PRKG1: variants seen among roughly 807,000 people sequenced by gnomAD.
PRKG1 encodes the protein protein kinase cGMP-dependent 1.
PRKG1 carries 35 observed loss-of-function variants against 88.1 expected under a neutral mutation model. That is an observed-to-expected ratio of 0.40 (90% CI 0.30 to 0.53). The LOEUF is 0.53. Ranked by LOEUF, PRKG1 falls within the 20% of genes least tolerant of loss-of-function variation. PRKG1 has a pLI of 0.59. For synonymous variants in PRKG1, 303 were observed against 292.5 expected (o/e 1.04, Z -0.37); for missense variants, 540 against 839.8 (o/e 0.64, Z 4.41).
rs1364477328 is a variant in PRKG1 at position 50,991,125 on chromosome 10, C to T, written c.-254C>T. 6.5e-6 allele frequency: 3 copies of T among 458,480 alleles called. No individual in the cohort carries two copies. Among genetic ancestry groups the T allele is most frequent in the Non-Finnish European group, 1.1e-5 (3 of 262,432 alleles). The allele number at this position is 458,480 out of a possible 1,614,324, so 28.4% of individuals were successfully genotyped here. On this transcript the variant is annotated 5_prime_UTR_variant, in exon 1 of 18. Transcript: ENST00000401604. The surrounding 1 kb of genome is among the most constrained non-coding windows in gnomAD (Gnocchi z 4.5). ...TCCCCAGAGAGGCTGGAGATTAGCACTCTGCCTCTCCTCTCCATCGCTTTT... is the reference window on the plus strand; with the variant it reads ...TCCCCAGAGAGGCTGGAGATTAGCATTCTGCCTCTCCTCTCCATCGCTTTT...
intron 6 of PRKG1, among the ~76,000 whole-genome samples, chr10:52,059,215 C>A (rs1260194115): frequency 6.6e-6 from 1 of 151,916 alleles, no homozygotes; most frequent in Non-Finnish European, 1.5e-5. Flanking sequence ...ATCACTGCTC[C>A]TGGGAATGCA....
At chr10:51,126,585 A>G (rs759430302) in intron 1 of PRKG1, among the ~76,000 whole-genome samples, 3 of 150,944 alleles carry the variant, frequency 2.0e-5, no homozygotes, top group East Asian at 1.9e-4. Flanking sequence ...TTAAACTACC[A>G]TTGACATTCT....
At chr10:51,395,996 T>G (rs1837566830) in intron 2 of PRKG1, among the ~76,000 whole-genome samples, 1 of 152,204 alleles carries the variant, frequency 6.6e-6, no homozygotes, top group Non-Finnish European at 1.5e-5. Flanking sequence ...AATTTGAATT[T>G]TAATGGCATA....
chr10:51,974,436 T>G (rs1000615677), intron 5 of PRKG1, among the ~76,000 whole-genome samples: 1 of 152,170 alleles, frequency 6.6e-6, no homozygotes, highest in African/African-American at 2.4e-5. Context: ...TAGGTTTCTG[T>G]TTAGCCTTGC....
chr10:51,079,679 TTGTG>T (rs56746938), intron 1 of PRKG1, among the ~76,000 whole-genome samples: 37,568 of 150,178 alleles, frequency 0.25, 4,802 homozygotes, highest in African/African-American at 0.29. Context: ...TAAGGCTCAT[TTGTG>T]TGTGTGTGTG....
chr10:52,029,721 A>G (rs527925074), intron 5 of PRKG1, among the ~76,000 whole-genome samples: 3 of 152,296 alleles, frequency 2.0e-5, no homozygotes, highest in African/African-American at 4.8e-5. Context: ...AGGTCTAGGT[A>G]TCAGAACTCT....
chr10:51,663,130 C>T (rs114994327), intron 3 of PRKG1, among the ~76,000 whole-genome samples: 1,691 of 151,622 alleles, frequency 0.011, 32 homozygotes, highest in African/African-American at 0.038. Flanking sequence ...ACCAGAAAAC[C>T]GCAATGAGAA....
chr10:52,293,255 T>C (rs1842301387), intron 17 of PRKG1, among the ~76,000 whole-genome samples: 1 of 151,478 alleles, frequency 6.6e-6, no homozygotes, highest in South Asian at 2.1e-4. Context: ...CTCAATGAAA[T>C]AAAAGAGGAA....
intron 4 of PRKG1, among the ~76,000 whole-genome samples, chr10:51,847,619 G>A (rs1385914792): frequency 1.3e-5 from 2 of 148,432 alleles, no homozygotes; most frequent in Non-Finnish European, 3.0e-5. Context: ...TTTTTCTGTA[G>A]ATTGGCTAAA....
intron 9 of PRKG1, among the ~76,000 whole-genome samples, chr10:52,190,958 C>T (rs1226041140): frequency 1.3e-5 from 2 of 152,194 alleles, no homozygotes; most frequent in Non-Finnish European, 2.9e-5. Context: ...CACTTTCCTA[C>T]ATAATCACAA....
chr10:51,743,849 A>C (rs1015444789), intron 3 of PRKG1, among the ~76,000 whole-genome samples: 3 of 148,530 alleles, frequency 2.0e-5, no homozygotes, highest in Non-Finnish European at 4.5e-5. Flanking sequence ...TAACAGAAAG[A>C]CTTGGGATTT....
chr10:51,888,883 C>G (rs150863039), intron 4 of PRKG1, among the ~76,000 whole-genome samples: 2 of 152,102 alleles, frequency 1.3e-5, no homozygotes, highest in Non-Finnish European at 2.9e-5. Flanking sequence ...ATCTCTATGT[C>G]ACTGACAAGA....
At chr10:51,650,471 G>A (rs546926782) in intron 3 of PRKG1, among the ~76,000 whole-genome samples, 4 of 152,062 alleles carry the variant, frequency 2.6e-5, no homozygotes, top group South Asian at 2.1e-4. Flanking sequence ...AATTAGCAAC[G>A]CTAAAACCAA....
At chr10:51,536,610 A>G (rs944137067) in intron 3 of PRKG1, among the ~76,000 whole-genome samples, 2 of 152,088 alleles carry the variant, frequency 1.3e-5, no homozygotes, top group African/African-American at 4.8e-5. Flanking sequence ...TTATTTGCCA[A>G]GGCTGATGTC....
chr10:51,613,680 T>C (rs1262599456), intron 3 of PRKG1, among the ~76,000 whole-genome samples: 1 of 151,900 alleles, frequency 6.6e-6, no homozygotes, highest in Non-Finnish European at 1.5e-5. Context: ...AGTTTTGGTA[T>C]GTTGTTTCCA....
At chr10:51,986,267 A>C (rs1389151998) in intron 5 of PRKG1, among the ~76,000 whole-genome samples, 1 of 152,232 alleles carries the variant, frequency 6.6e-6, no homozygotes, top group Non-Finnish European at 1.5e-5. Flanking sequence ...GAAACTAGGA[A>C]TTAACCTCAC....
At chr10:51,724,133 A>G (rs1842076517) in intron 3 of PRKG1, among the ~76,000 whole-genome samples, 1 of 152,178 alleles carries the variant, frequency 6.6e-6, no homozygotes, top group Non-Finnish European at 1.5e-5. Context: ...AAAGCAGGTG[A>G]AAAATACAAG....
intron 3 of PRKG1, among the ~76,000 whole-genome samples, chr10:51,721,957 T>C (rs10740327): frequency 0.44 from 67,281 of 152,020 alleles, 15,505 homozygotes; most frequent in Middle Eastern, 0.57. Context: ...ACAGGCAGGG[T>C]GCGGTGGCTT....
intron 5 of PRKG1, among the ~76,000 whole-genome samples, chr10:52,013,083 G>A (rs150022281): frequency 3.2e-3 from 487 of 152,282 alleles, no homozygotes; most frequent in African/African-American, 0.011. Context: ...TAATTCTAAT[G>A]TAAAGCAGGG....
Sources: allele counts gnomAD v4.1 joint callset (sites outside exome capture counted in the v4.1 genomes callset), GRCh38; gene constraint gnomAD v4.1.1; non-coding constraint Gnocchi (gnomAD v3.1); transcripts MANE v1.5; gene names NCBI Gene and HGNC (gene_info 2026-07-23, HGNC 2026-07-21).